Variants in SDK1 observed in about 807,000 individuals in gnomAD.
The protein encoded by SDK1 is protein sidekick-1.
In SDK1, 157 loss-of-function variants were observed where a neutral mutation model predicts 245.5. The observed-to-expected ratio is 0.64, with a 90% CI of 0.56 to 0.73. The LOEUF is 0.73. SDK1 is among the 30% of genes least tolerant of loss of function. The pLI, the probability that SDK1 is intolerant of heterozygous loss-of-function variation, is 0.00. For missense variants in SDK1, 3,583 were observed against 3,002.3 expected (o/e 1.19, Z -4.52); for synonymous variants, 1,647 against 1,278.5 (o/e 1.29, Z -6.15).
chr7:3,358,976 C>T (rs1056079393), intron 1 of SDK1, among the ~76,000 whole-genome samples: 1 of 152,088 alleles, frequency 6.6e-6, no homozygotes, highest in Non-Finnish European at 1.5e-5. Context: ...AATCACAGCC[C>T]TGGTTTTTAG....
chr7:3,542,322 G>A (rs953197845), intron 1 of SDK1, among the ~76,000 whole-genome samples: 1 of 152,188 alleles, frequency 6.6e-6, no homozygotes. Flanking sequence ...CAACAGCAGG[G>A]CTGGAAAGGT....
intron 4 of SDK1, among the ~76,000 whole-genome samples, chr7:3,696,883 C>T (rs544631651): frequency 2.6e-5 from 4 of 151,170 alleles, no homozygotes; most frequent in Non-Finnish European, 5.9e-5. Context: ...GATAGGAGAC[C>T]TCTGATATTT....
At chr7:4,233,901 C>G (rs1228912697) in intron 41 of SDK1, among the ~76,000 whole-genome samples, 2 of 152,178 alleles carry the variant, frequency 1.3e-5, no homozygotes, top group African/African-American at 4.8e-5. Context: ...TAATGTGTTT[C>G]CTCATAGTTT....
chr7:3,907,919 G>A (rs1466938567), intron 5 of SDK1, among the ~76,000 whole-genome samples: 2 of 152,180 alleles, frequency 1.3e-5, no homozygotes, highest in Admixed American at 6.5e-5. Flanking sequence ...GGGCTTGTGT[G>A]TGTATTGTTT....
intron 11 of SDK1, among the ~76,000 whole-genome samples, chr7:3,969,913 G>A (rs1288437065): frequency 6.6e-6 from 1 of 152,154 alleles, no homozygotes; most frequent in Admixed American, 6.5e-5. Flanking sequence ...GAACAACTAA[G>A]ACACTTCTAA....
intron 4 of SDK1, among the ~76,000 whole-genome samples, chr7:3,733,379 T>A (rs911257524): frequency 6.6e-6 from 1 of 152,216 alleles, no homozygotes; most frequent in Non-Finnish European, 1.5e-5. Flanking sequence ...CATTAGAGAC[T>A]ATCTTATGAG....
Position 3,377,637 on chromosome 7 carries a change from A to T in SDK1, c.298+75753A>T, listed in dbSNP as rs527528933. 9.2e-5 allele frequency among the ~76,000 whole-genome samples: 14 copies of T among 152,072 alleles called. 1 individual carries two copies. In the South Asian group the frequency reaches 2.9e-3, roughly 32 times the overall value. On this transcript the variant is annotated intron_variant, in intron 1 of 44. Coordinates refer to ENST00000404826, the MANE Select transcript of SDK1 (RefSeq NM_152744.4). ...TCCCTTTGTTCTCTCTCAAGCCCTA[A>T]TGTCCACACCTGAAGCTCTCCACAG...
intron 5 of SDK1, among the ~76,000 whole-genome samples, chr7:3,870,281 C>T (rs372185189): frequency 3.9e-5 from 6 of 151,932 alleles, no homozygotes; most frequent in African/African-American, 1.2e-4. Context: ...AAAGTGATTG[C>T]TACTTTTCGT....
intron 42 of SDK1, 33 bp from the exon 43 acceptor site, chr7:4,241,760 C>T (rs1431045712): frequency 6.2e-7 from 1 of 1,613,192 alleles, no homozygotes; most frequent in Admixed American, 1.7e-5. Flanking sequence ...ACACCAGTAA[C>T]ACGTCTGTTC....
chr7:3,798,484 T>G (rs1261029268), intron 4 of SDK1, among the ~76,000 whole-genome samples: 1 of 152,146 alleles, frequency 6.6e-6, no homozygotes, highest in African/African-American at 2.4e-5. Context: ...CCCAAAGTGC[T>G]GGGATTACAG....
At chr7:4,057,151 C>G (rs777682424) in intron 19 of SDK1, among the ~76,000 whole-genome samples, 16 of 152,338 alleles carry the variant, frequency 1.1e-4, no homozygotes, top group Non-Finnish European at 2.2e-4. Flanking sequence ...CCATTGCCAG[C>G]CCTACCAAGT....
intron 5 of SDK1, among the ~76,000 whole-genome samples, chr7:3,863,465 C>T (rs946403654): frequency 6.6e-6 from 1 of 152,148 alleles, no homozygotes; most frequent in African/African-American, 2.4e-5. Context: ...TTTGCATGTA[C>T]AACTTCATGT....
chr7:3,552,700 G>C (rs1242308901), intron 1 of SDK1, among the ~76,000 whole-genome samples: 2 of 152,164 alleles, frequency 1.3e-5, no homozygotes, highest in Non-Finnish European at 2.9e-5. Context: ...ATTTGTCTTA[G>C]CTGTCATGCA....
chr7:3,403,853 A>ATAT (rs1554266456), intron 1 of SDK1, among the ~76,000 whole-genome samples: 1 of 91,728 alleles, frequency 1.1e-5, no homozygotes, highest in Non-Finnish European at 2.0e-5. Flanking sequence ...ATATATATAT[A>ATAT]TATATATATA....
intron 1 of SDK1, among the ~76,000 whole-genome samples, chr7:3,339,671 A>G (rs1180832830): frequency 2.6e-5 from 4 of 152,190 alleles, no homozygotes; most frequent in African/African-American, 9.7e-5. Context: ...TCTCAAAGGA[A>G]AATATTAAAC....
At chr7:3,366,095 C>G (rs760104409) in intron 1 of SDK1, among the ~76,000 whole-genome samples, 11 of 149,962 alleles carry the variant, frequency 7.3e-5, no homozygotes, top group Non-Finnish European at 1.6e-4. Flanking sequence ...TTTACCGATT[C>G]GATGTTAATA....
chr7:3,370,344 C>A (rs1042536848), intron 1 of SDK1, among the ~76,000 whole-genome samples: 1 of 152,170 alleles, frequency 6.6e-6, no homozygotes, highest in Admixed American at 6.5e-5. Flanking sequence ...ATGTTAACCC[C>A]TGAGGGAGAG....
intron 4 of SDK1, among the ~76,000 whole-genome samples, chr7:3,647,947 G>A (rs563686700): frequency 6.6e-6 from 1 of 152,228 alleles, no homozygotes; most frequent in Admixed American, 6.5e-5. Flanking sequence ...TTGGAAAGAC[G>A]AACAGTATAT....
At position 3,418,525 on chromosome 7, in the gene SDK1, TA is replaced by T. The variant is rs900561178; in HGVS notation, c.298+116651del. ...TTTGCTTAAAAAAAGACAGGTGGCA[TA>T]AAAAAAAAAGTATTCTTTAATCTCT... On this transcript the variant is annotated intron_variant, in intron 1 of 44. Transcript: ENST00000404826. Among the ~76,000 whole-genome samples the T allele has an allele frequency of 8.6e-3, 1,270 of 148,384 alleles. 15 individuals carry two copies. The highest frequency in any genetic ancestry group is 0.021 in the Middle Eastern group (6 of 290).
Sources: allele counts gnomAD v4.1 joint callset (sites outside exome capture counted in the v4.1 genomes callset), GRCh38; gene constraint gnomAD v4.1.1; transcripts MANE v1.5; gene names NCBI Gene and HGNC (gene_info 2026-07-23, HGNC 2026-07-21).